NBEA: variants seen among roughly 807,000 people sequenced by gnomAD.
NBEA encodes neurobeachin.
A neutral mutation model predicts 343.4 loss-of-function variants in NBEA; 44 were observed. The observed-to-expected ratio is 0.13, with a 90% CI of 0.10 to 0.16. The LOEUF is 0.16. Among genes scored for constraint, NBEA ranks in the 10% least tolerant of loss-of-function variants. The pLI is 1.00. For synonymous variants in NBEA, 1,175 were observed against 1,238.7 expected (o/e 0.95, Z 1.08); for missense variants, 2,555 against 3,631.3 (o/e 0.70, Z 7.62).
Position 35,667,289 on chromosome 13 carries a change from C to A in NBEA, c.8465-85C>A, listed in dbSNP as rs998217450. The A allele has an allele frequency of 4.3e-6, 5 of 1,154,090 alleles. No individual in the cohort carries two copies. The African/African-American group carries it at 4.6e-5, about 11-fold the overall frequency. The allele number at this position is 1,154,090 out of a possible 1,614,324, so 71.5% of individuals were successfully genotyped here. A position where few individuals can be genotyped will look rare whatever the true frequency, so the allele number is the denominator to read the frequency against. On this transcript the variant is annotated intron_variant, in intron 56 of 58. Transcript: ENST00000379939. ...CTCTTCCGTCACATCTGAGCGCACA[C>A]CCAGCAAGGTTTTCAGGTTGGTGGG...
intron 39 of NBEA, among the ~76,000 whole-genome samples, chr13:35,438,483 T>C (rs1183349393): frequency 6.6e-6 from 1 of 152,248 alleles, no homozygotes; most frequent in Admixed American, 6.5e-5. Context: ...TTTATAGTTC[T>C]TACAACATGT....
intron 36 of NBEA, among the ~76,000 whole-genome samples, chr13:35,340,679 T>C (rs893679283): frequency 2.0e-5 from 3 of 152,040 alleles, no homozygotes; most frequent in African/African-American, 7.2e-5. Context: ...AGCCAAAGAA[T>C]GTCAACACTT....
In NBEA at chr13:35,159,386, A is replaced by G; in HGVS notation, c.3215A>G (p.Asp1072Gly). ...GTGGAAGCAACAGAAGTAAAGCTCG[A>G]TGATATGGATTTATCACCGGAGACT... ...EKVEATEVKL[D>G]DMDLSPETLV... Residue 1072 changes from aspartate to glycine, a missense_variant, in exon 22 of 59, where the codon GAT becomes GGT. Transcript: ENST00000379939. The G allele has an allele frequency of 6.2e-7, 1 of 1,613,482 alleles. No homozygotes were observed. The highest frequency in any genetic ancestry group is 8.5e-7 in the Non-Finnish European group (1 of 1,179,678).
chr13:35,315,028 A>G (rs941403618), intron 36 of NBEA, among the ~76,000 whole-genome samples: 2 of 152,234 alleles, frequency 1.3e-5, no homozygotes, highest in South Asian at 2.1e-4. Flanking sequence ...GCGAAGCACA[A>G]ATTAAATATT....
chr13:34,978,897 G>A (rs994813014), intron 1 of NBEA, among the ~76,000 whole-genome samples: 6 of 151,952 alleles, frequency 3.9e-5, no homozygotes, highest in Non-Finnish European at 8.8e-5. Flanking sequence ...CCAGTTTTTG[G>A]CCATTATGAA....
intron 6 of NBEA, among the ~76,000 whole-genome samples, chr13:35,055,292 A>G (rs558822391): frequency 2.0e-5 from 3 of 152,282 alleles, no homozygotes; most frequent in Non-Finnish European, 4.4e-5. Flanking sequence ...TGCTACAGAA[A>G]TCAAACCATC....
At chr13:35,232,343 C>A (rs1362855023) in intron 33 of NBEA, 149 bp from the exon 34 acceptor site, 20 of 562,918 alleles carry the variant, frequency 3.6e-5, no homozygotes, top group Admixed American at 6.5e-5. Context: ...TGAAACTGTA[C>A]AGGGTATCCC....
intron 36 of NBEA, among the ~76,000 whole-genome samples, chr13:35,340,823 C>T (rs1176999010): frequency 2.6e-5 from 4 of 151,886 alleles, no homozygotes; most frequent in Non-Finnish European, 1.5e-5. Context: ...GATAACAGTA[C>T]TTTTCAAATT....
At chr13:35,536,848 C>T (rs1285350568) in intron 41 of NBEA, among the ~76,000 whole-genome samples, 1 of 152,216 alleles carries the variant, frequency 6.6e-6, no homozygotes, top group East Asian at 1.9e-4. Flanking sequence ...TCAACATAAG[C>T]TCAGAAATAT....
At chr13:35,399,492 C>T (rs570827213) in intron 38 of NBEA, among the ~76,000 whole-genome samples, 2 of 152,072 alleles carry the variant, frequency 1.3e-5, no homozygotes, top group Non-Finnish European at 2.9e-5. Flanking sequence ...TGAGAACTCA[C>T]TTGCTGTCAG....
intron 50 of NBEA, 36 bp from the exon 51 acceptor site, chr13:35,646,223 A>C (rs760114635): frequency 1.4e-6 from 2 of 1,461,044 alleles, no homozygotes; most frequent in Non-Finnish European, 1.9e-6. Flanking sequence ...TCTTTGATGC[A>C]TATTGATTAT....
intron 38 of NBEA, among the ~76,000 whole-genome samples, chr13:35,422,808 T>A (rs1001175182): frequency 6.6e-6 from 1 of 152,202 alleles, no homozygotes; most frequent in African/African-American, 2.4e-5. Flanking sequence ...CTCCAGCATC[T>A]GTTGTTTCCT....
intron 39 of NBEA, among the ~76,000 whole-genome samples, chr13:35,449,832 A>G (rs2046216370): frequency 6.6e-6 from 1 of 152,222 alleles, no homozygotes; most frequent in African/African-American, 2.4e-5. Flanking sequence ...TTGATTTGTC[A>G]TAATACTATT....
intron 16 of NBEA, among the ~76,000 whole-genome samples, chr13:35,119,673 C>A (rs1236686117): frequency 2.0e-5 from 3 of 152,156 alleles, no homozygotes; most frequent in Non-Finnish European, 4.4e-5. Context: ...GCAAGCTCCA[C>A]TTCCCGGGTT....
In NBEA at chr13:35,419,939, A is replaced by G. The variant is rs552011829; in HGVS notation, c.6180-12330A>G. On this transcript the variant is annotated intron_variant, in intron 38 of 58. Coordinates refer to ENST00000379939, the MANE Select transcript of NBEA (RefSeq NM_001385012.1). Reference sequence around the variant, plus strand: ...GTGTCCACATATTCACTGCTAGTATATAGAAATACAATTATTATTTGTGTG... The same window carrying G: ...GTGTCCACATATTCACTGCTAGTATGTAGAAATACAATTATTATTTGTGTG... 2.0e-5 allele frequency among the ~76,000 whole-genome samples: 3 copies of G among 152,196 alleles called. No homozygotes were observed. In the East Asian group the frequency reaches 5.8e-4, roughly 29 times the overall value.
chr13:35,276,675 T>C (rs1183880889), intron 34 of NBEA, among the ~76,000 whole-genome samples: 2 of 152,154 alleles, frequency 1.3e-5, no homozygotes, highest in African/African-American at 2.4e-5. Flanking sequence ...AATTGGGAAA[T>C]TTTTAAAAAG....
intron 34 of NBEA, among the ~76,000 whole-genome samples, chr13:35,254,161 A>G (rs1593950082): frequency 6.6e-6 from 1 of 152,002 alleles, no homozygotes; most frequent in East Asian, 1.9e-4. Flanking sequence ...ATAATAATAT[A>G]TATAAGAACT....
At position 35,069,970 on chromosome 13, in the gene NBEA, A is replaced by G. The variant is rs2152573892; in HGVS notation, c.1302A>G (p.Leu434=). The change falls in exon 9 of 59, where the codon TTA becomes TTG. Residue 434 remains leucine, a synonymous_variant. Transcript: ENST00000379939. ...TGGCAGAACATCATAAACAGGTGTT[A>G]TATGATGGGAAACTTGCAAGTAGCA... The part of the protein sequence containing the change: ...IHLAEHHKQV[L]YDGKLASSIA... 2 of 1,605,256 alleles carry G rather than the reference A, an allele frequency of 1.2e-6. No individual in the cohort carries two copies.
At position 35,044,070 on chromosome 13, in the gene NBEA, CAA is replaced by C. The variant is rs79740623; in HGVS notation, c.527-876_527-875del. On this transcript the variant is annotated intron_variant, in intron 2 of 58. Transcript: ENST00000379939. ...AATATGTAGAGAAAGCAATCAGAGA[CAA>C]GAGATTAAATGTATAATTTTTCTCA... Among the ~76,000 whole-genome samples the C allele has an allele frequency of 2.0e-4, 31 of 152,180 alleles. No homozygotes were observed. In the East Asian group the frequency reaches 5.8e-3, roughly 29 times the overall value.
Sources: allele counts gnomAD v4.1 joint callset (sites outside exome capture counted in the v4.1 genomes callset), GRCh38; gene constraint gnomAD v4.1.1; transcripts MANE v1.5; gene names NCBI Gene and HGNC (gene_info 2026-07-23, HGNC 2026-07-21).